The following EXOC4 variants were observed in gnomAD, a reference collection of about 807,000 sequenced individuals.
EXOC4 encodes SEC8-like 1.
A neutral mutation model predicts 107.2 loss-of-function variants in EXOC4; 71 were observed. The observed-to-expected ratio is 0.66, with a 90% CI of 0.55 to 0.81. The LOEUF (loss-of-function observed/expected upper bound fraction) is 0.81. EXOC4 is among the 30% of genes least tolerant of loss of function. The probability of loss-of-function intolerance (pLI) is 0.00; values close to 1 mark genes in which losing one functional copy is unlikely to be tolerated. For missense variants in EXOC4, 1,108 were observed against 1,189.6 expected, an observed-to-expected ratio of 0.93 and a Z score of 1.01; for synonymous variants, 456 against 441.2, an observed-to-expected ratio of 1.03 and a Z score of -0.42.
At chr7:133,449,105 C>G (rs962107279) in intron 7 of EXOC4, among the ~76,000 whole-genome samples, 1 of 151,698 alleles carries the variant, frequency 6.6e-6, no homozygotes, top group African/African-American at 2.4e-5. Flanking sequence ...GACTCTGTCT[C>G]AAAAATAAAT....
intron 10 of EXOC4, among the ~76,000 whole-genome samples, chr7:133,678,470 A>G (rs1445037285): frequency 6.6e-6 from 1 of 152,118 alleles, no homozygotes; most frequent in African/African-American, 2.4e-5. Flanking sequence ...AAAGTAACGA[A>G]TTTCTCAAGG....
intron 10 of EXOC4, among the ~76,000 whole-genome samples, chr7:133,816,490 A>G (rs914495551): frequency 6.6e-6 from 1 of 151,942 alleles, no homozygotes; most frequent in Non-Finnish European, 1.5e-5. Context: ...TTGTCCTCCA[A>G]CTCCCATCCC....
chr7:133,898,021 C>T (rs1799359264), intron 12 of EXOC4, among the ~76,000 whole-genome samples: 1 of 151,226 alleles, frequency 6.6e-6, no homozygotes, highest in Non-Finnish European at 1.5e-5. Context: ...CCCAATCCCC[C>T]AGCCCCCAGC....
At chr7:133,886,954 A>G (rs1451094413) in intron 11 of EXOC4, among the ~76,000 whole-genome samples, 1 of 152,228 alleles carries the variant, frequency 6.6e-6, no homozygotes, top group Non-Finnish European at 1.5e-5. Flanking sequence ...GAATGTAGTG[A>G]TTGATTATCC....
At chr7:133,417,127 G>A (rs1797495609) in intron 7 of EXOC4, among the ~76,000 whole-genome samples, 1 of 152,122 alleles carries the variant, frequency 6.6e-6, no homozygotes, top group Non-Finnish European at 1.5e-5. Context: ...GGATTTGCAG[G>A]GCTGCAAGGA....
rs553389516 is a variant in EXOC4, at chr7:133,802,011, C to T, written c.1515-15314C>T. Among the ~76,000 whole-genome samples the T allele has an allele frequency of 3.3e-5, 5 of 152,284 alleles. No homozygotes were observed. In the East Asian group the frequency reaches 5.8e-4, roughly 18 times the overall value. Reference sequence around the variant, plus strand: ...ATAAAACTTAGTTATAAAAAATAAGCCTTTCCATATTTCTGCTCCTTGGGA... The same window carrying T: ...ATAAAACTTAGTTATAAAAAATAAGTCTTTCCATATTTCTGCTCCTTGGGA... On this transcript the variant is annotated intron_variant, in intron 10 of 17. Transcript: ENST00000253861.
chr7:133,518,191 G>T (rs1799915488), intron 9 of EXOC4, among the ~76,000 whole-genome samples: 1 of 151,986 alleles, frequency 6.6e-6, no homozygotes, highest in Non-Finnish European at 1.5e-5. Context: ...CAGATTTGAT[G>T]GGTGGAGAAA....
intron 14 of EXOC4, among the ~76,000 whole-genome samples, chr7:133,980,741 AGATT>A (rs1307330848): frequency 2.0e-5 from 3 of 152,330 alleles, no homozygotes; most frequent in African/African-American, 7.2e-5. Flanking sequence ...GCATAAACAC[AGATT>A]GATTATTAAT....
At chr7:133,877,932 A>T (rs1252489166) in intron 11 of EXOC4, among the ~76,000 whole-genome samples, 1 of 152,150 alleles carries the variant, frequency 6.6e-6, no homozygotes, top group African/African-American at 2.4e-5. Context: ...TTCTTCCTGC[A>T]TCATGGCCCA....
At chr7:134,097,110 G>C in the EXOC4 span, among the ~76,000 whole-genome samples, 1 of 152,064 alleles carries the variant, frequency 6.6e-6, no homozygotes, top group Non-Finnish European at 1.5e-5. Context: ...ACTTAGGAGA[G>C]TAGCAACAAT....
rs1802202889 is a variant in EXOC4 at position 133,616,730 on chromosome 7, A to G, written c.1418-13315A>G. Among the ~76,000 whole-genome samples the G allele has an allele frequency of 2.6e-5, 4 of 152,286 alleles. No individual in the cohort carries two copies. In the South Asian group the frequency reaches 8.3e-4, roughly 32 times the overall value. On this transcript the variant is annotated intron_variant, in intron 9 of 17. Transcript: ENST00000253861. ...ACCAGCTATTTATTCCTAAAGCTTT[A>G]CTAATATAGCAAAGCAAAACATACA... is the stretch of plus-strand genomic sequence containing the variant.
At chr7:133,734,434 C>T (rs1585110769) in intron 10 of EXOC4, among the ~76,000 whole-genome samples, 2 of 145,718 alleles carry the variant, frequency 1.4e-5, no homozygotes, top group African/African-American at 2.5e-5. Flanking sequence ...TAATTCTTCA[C>T]TTTTTTTTTT....
At chr7:134,026,830 C>CA (rs11449257) in intron 17 of EXOC4, among the ~76,000 whole-genome samples, 152,259 of 152,270 alleles carry the variant, frequency 1, 76,124 homozygotes, top group Middle Eastern at 1. Context: ...ATAGGCAGAG[C>CA]AACGTTGCTT....
chr7:133,444,707 A>T (rs1798179265), intron 7 of EXOC4, among the ~76,000 whole-genome samples: 1 of 152,150 alleles, frequency 6.6e-6, no homozygotes, highest in Non-Finnish European at 1.5e-5. Flanking sequence ...TGCCACATTA[A>T]GATTGAGGGA....
rs114814865 is a variant in EXOC4 at position 133,970,630 on chromosome 7, A to G, written c.2207-26862A>G. Among the ~76,000 whole-genome samples, 705 of 152,246 alleles carry G rather than the reference A, an allele frequency of 4.6e-3. 2 individuals are homozygous for G. The highest frequency in any genetic ancestry group is 0.017 in the Middle Eastern group (5 of 294). On this transcript the variant is annotated intron_variant, in intron 14 of 17. Coordinates refer to ENST00000253861, the MANE Select transcript of EXOC4 (RefSeq NM_021807.4). ...CCCGACTCCTTGCGCTTCCTGGTTG[A>G]GATGATGTCCCACCCTGCTTCTGCT...
chr7:133,385,514 T>G (rs144346028), intron 7 of EXOC4, among the ~76,000 whole-genome samples: 1 of 152,194 alleles, frequency 6.6e-6, no homozygotes, highest in Admixed American at 6.5e-5. Context: ...AAGATACATT[T>G]AGGAAAATAC....
At chr7:133,971,401 G>GAGAGAGAGAGAGAGAGAGAA (rs1296299775) in intron 14 of EXOC4, among the ~76,000 whole-genome samples, 1 of 110,716 alleles carries the variant, frequency 9.0e-6, no homozygotes, top group African/African-American at 3.3e-5. Flanking sequence ...GAGAGAGAGA[G>GAGAGAGAGAGAGAGAGAGAA]AAAGAGAGAG....
chr7:133,434,354 C>T (rs948836688), intron 7 of EXOC4, among the ~76,000 whole-genome samples: 2 of 151,930 alleles, frequency 1.3e-5, no homozygotes, highest in Non-Finnish European at 2.9e-5. Context: ...AAGAGAATAC[C>T]GAAAAAGAGA....
intron 7 of EXOC4, among the ~76,000 whole-genome samples, chr7:133,419,092 CTG>C (rs533072420): frequency 1.3e-5 from 2 of 152,218 alleles, no homozygotes; most frequent in South Asian, 2.1e-4. Context: ...CTCTGAATAA[CTG>C]TTATTTCAAG....
Sources: gnomAD v4.1 joint callset for allele counts (sites outside exome capture counted in the v4.1 genomes callset) on GRCh38, gnomAD v4.1.1 for gene constraint, MANE v1.5 for transcripts, NCBI Gene and HGNC (gene_info 2026-07-23, HGNC 2026-07-21) for gene names.